ZFP14: variants seen among roughly 807,000 people sequenced by gnomAD.
ZFP14 encodes ZFP14 zinc finger protein.
Under a neutral mutation model 54.5 loss-of-function variants are expected in ZFP14, and 22 were observed. The observed-to-expected ratio is 0.40, with a 90% CI of 0.29 to 0.58. The LOEUF is 0.58. Ranked by LOEUF, ZFP14 falls within the 20% of genes least tolerant of loss-of-function variation. The pLI is 0.39. For synonymous variants in ZFP14, 159 were observed against 204.0 expected (o/e 0.78, Z 1.88); for missense variants, 470 against 637.8 (o/e 0.74, Z 2.83).
chr19:36,358,978 C>T (rs2031665708), intron 4 of ZFP14, among the ~76,000 whole-genome samples: 1 of 152,214 alleles, frequency 6.6e-6, no homozygotes. Context: ...GTTCAGCCCA[C>T]TTGCCATTTG....
intron 4 of ZFP14, among the ~76,000 whole-genome samples, chr19:36,356,300 T>G (rs958976408): frequency 6.6e-6 from 1 of 151,774 alleles, no homozygotes. Flanking sequence ...TGGTGGCGCA[T>G]GCCTATAATC....
chr19:36,357,334 C>T (rs1456055356), intron 4 of ZFP14, among the ~76,000 whole-genome samples: 8 of 152,184 alleles, frequency 5.3e-5, no homozygotes, highest in South Asian at 4.1e-4. Flanking sequence ...TAAGCCACTG[C>T]GCCCGGTCTG....
At chr19:36,369,840 T>A (rs1377932105) in intron 1 of ZFP14, among the ~76,000 whole-genome samples, 1 of 152,104 alleles carries the variant, frequency 6.6e-6, no homozygotes, top group African/African-American at 2.4e-5. Context: ...TTTTGTTTTG[T>A]TTTGTTTTTT....
intron 2 of ZFP14, among the ~76,000 whole-genome samples, chr19:36,363,496 C>G (rs2031744644): frequency 6.6e-6 from 1 of 151,824 alleles, no homozygotes. Context: ...CGCCCGGCCC[C>G]CTGTATCAAT....
intron 4 of ZFP14, among the ~76,000 whole-genome samples, chr19:36,350,626 CA>C (rs1365310222): frequency 7.2e-6 from 1 of 139,716 alleles, no homozygotes; most frequent in Non-Finnish European, 1.6e-5. Context: ...AAACAAAAAA[CA>C]GCTTCCTAAA....
At position 36,340,157 on chromosome 19, in the gene ZFP14, C is replaced by G; in HGVS notation, c.*67G>C. ...ATTATGCTTGGAATTGAGCATGAAA[C>G]ACATTTTCTCAAAAATGAATTTTCT... On this transcript the variant is annotated 3_prime_UTR_variant, in exon 5 of 5. Coordinates refer to ENST00000270001, the MANE Select transcript of ZFP14 (RefSeq NM_020917.3). This position sits in a 1 kb window ranked among gnomAD's most constrained non-coding sequence, Gnocchi z 5.4. 1 of 1,431,476 alleles carries G rather than the reference C, an allele frequency of 7.0e-7. No individual in the cohort carries two copies. Among genetic ancestry groups the G allele is most frequent in the Non-Finnish European group, 9.3e-7 (1 of 1,077,256 alleles). 88.7% of individuals were successfully genotyped at this position (1,431,476 alleles called of 1,614,324 possible).
In ZFP14 at chr19:36,353,935, G is replaced by T. The variant is rs184164145; in HGVS notation, c.235+6500C>A. 1.5e-5 allele frequency among the ~76,000 whole-genome samples: 2 copies of T among 135,956 alleles called. 1 individual carries two copies. Among genetic ancestry groups the T allele is most frequent in the Non-Finnish European group, 3.2e-5 (2 of 62,108 alleles). The allele number at this position is 135,956 out of a possible 152,430, so 89.2% of individuals were successfully genotyped here. On this transcript the variant is annotated intron_variant, in intron 4 of 4. Coordinates refer to ENST00000270001, the MANE Select transcript of ZFP14 (RefSeq NM_020917.3). ...ACAAAAAATACAAAAATTTTCCAGC[G>T]GTGGTGGCATGCGCCTGTAGTCCCA...
chr19:36,340,965 C>T lies in ZFP14; in HGVS notation c.861G>A (p.Lys287=). Residue 287 remains lysine, a synonymous_variant, in exon 5 of 5, where the codon AAG becomes AAA. Coordinates refer to ENST00000270001, the MANE Select transcript of ZFP14 (RefSeq NM_020917.3). This position sits in a 1 kb window ranked among gnomAD's most constrained non-coding sequence, Gnocchi z 5.4. ...IHTGEKPYEC[K]DCGKTFRQCT... ...ACTGTCTAAAGGTCTTTCCACAGTC[C>T]TTACATTCATAGGGTTTCTCACCAG... 1 of 1,614,080 alleles carries T rather than the reference C, an allele frequency of 6.2e-7. No individual in the cohort carries two copies. Among genetic ancestry groups the T allele is most frequent in the South Asian group, 1.1e-5 (1 of 91,066 alleles).
At chr19:36,376,320 G>T (rs2031961613) in intron 1 of ZFP14, among the ~76,000 whole-genome samples, 1 of 152,036 alleles carries the variant, frequency 6.6e-6, no homozygotes, top group African/African-American at 2.4e-5. Flanking sequence ...GCCAACACAG[G>T]CGGATCACTT....
At chr19:36,370,771 G>C (rs2031866412) in intron 1 of ZFP14, among the ~76,000 whole-genome samples, 1 of 152,218 alleles carries the variant, frequency 6.6e-6, no homozygotes, top group South Asian at 2.1e-4. Flanking sequence ...ACCACTGCAT[G>C]GGCTATTGAT....
At chr19:36,347,288 C>G (rs1264247074) in intron 4 of ZFP14, among the ~76,000 whole-genome samples, 1 of 152,082 alleles carries the variant, frequency 6.6e-6, no homozygotes, top group Non-Finnish European at 1.5e-5. Context: ...ACTATGACAA[C>G]CAAGGCTAAT....
At position 36,337,825 on chromosome 19, in the gene ZFP14, A is replaced by G. The variant is rs1381122903; in HGVS notation, c.*2399T>C. On this transcript the variant is annotated 3_prime_UTR_variant, in exon 5 of 5. Transcript: ENST00000270001. Reference sequence around the variant, plus strand: ...AAAGGGTTCAGAGGTGGCCAGTTTGATAGATCCACCATAAAAATCTCGCTA... The same window carrying G: ...AAAGGGTTCAGAGGTGGCCAGTTTGGTAGATCCACCATAAAAATCTCGCTA... 6.6e-6 allele frequency: 1 copy of G among 152,174 alleles called. No individual in the cohort carries two copies. Among genetic ancestry groups the G allele is most frequent in the Non-Finnish European group, 1.5e-5 (1 of 68,044 alleles). The allele number at this position is 152,174 out of a possible 1,614,324, so 9.4% of individuals were successfully genotyped here.
Position 36,340,222 on chromosome 19 carries a change from T to C in ZFP14, c.*2A>G, listed in dbSNP as rs1408731006. The C allele has an allele frequency of 1.3e-6, 2 of 1,553,706 alleles. No homozygotes were observed. Among genetic ancestry groups the C allele is most frequent in the African/African-American group, 2.8e-5 (2 of 72,468 alleles). ...TCATATACATTTGAAGGCTTTCTTC[T>C]ATTAAATTCCATTATGAATCTTCTG... On this transcript the variant is annotated 3_prime_UTR_variant, in exon 5 of 5. Coordinates refer to ENST00000270001, the MANE Select transcript of ZFP14 (RefSeq NM_020917.3). This position sits in a 1 kb window ranked among gnomAD's most constrained non-coding sequence, Gnocchi z 5.4.
At chr19:36,352,857 C>T (rs1239760624) in intron 4 of ZFP14, among the ~76,000 whole-genome samples, 3 of 140,150 alleles carry the variant, frequency 2.1e-5, no homozygotes, top group Non-Finnish European at 4.7e-5. Flanking sequence ...AGAAGAATGG[C>T]GTGAACCCGG....
chr19:36,373,947 G>A (rs1600086851), intron 1 of ZFP14, among the ~76,000 whole-genome samples: 7 of 143,618 alleles, frequency 4.9e-5, no homozygotes, highest in South Asian at 2.3e-4. Context: ...AAAGAAAAAA[G>A]AACAGAAAAA....
At chr19:36,356,904 T>C (rs1221601596) in intron 4 of ZFP14, among the ~76,000 whole-genome samples, 1 of 152,110 alleles carries the variant, frequency 6.6e-6, no homozygotes, top group Admixed American at 6.6e-5. Context: ...CTGAGCTGTG[T>C]ATATACTAGA....
At chr19:36,375,384 ATTTT>A (rs747537579) in intron 1 of ZFP14, among the ~76,000 whole-genome samples, 4 of 128,724 alleles carry the variant, frequency 3.1e-5, no homozygotes, top group Non-Finnish European at 4.9e-5. Flanking sequence ...GCAGGAAGGA[ATTTT>A]TTTTTTTTTT....
intron 4 of ZFP14, among the ~76,000 whole-genome samples, chr19:36,358,120 T>C (rs1003852580): frequency 1.8e-4 from 27 of 151,482 alleles, no homozygotes; most frequent in African/African-American, 6.6e-4. Context: ...TCTATCTATT[T>C]TATTTTTTGA....
Position 36,367,913 on chromosome 19 carries a change from T to A in ZFP14, c.-21A>T. ...GCCATGGTTTTAGAACTGCAAAAAC[T>A]GGTCAGTCCTTTTCAAGATTTCTCT... On this transcript the variant is annotated 5_prime_UTR_variant, in exon 2 of 5. Coordinates refer to ENST00000270001, the MANE Select transcript of ZFP14 (RefSeq NM_020917.3). 6.2e-7 allele frequency: 1 copy of A among 1,607,858 alleles called. No homozygotes were observed. The highest frequency in any genetic ancestry group is 8.5e-7 in the Non-Finnish European group (1 of 1,176,498).
Sources: allele counts gnomAD v4.1 joint callset (sites outside exome capture counted in the v4.1 genomes callset), GRCh38; gene constraint gnomAD v4.1.1; non-coding constraint Gnocchi (gnomAD v3.1); transcripts MANE v1.5; gene names NCBI Gene and HGNC (gene_info 2026-07-23, HGNC 2026-07-21).